Variants in ARHGAP39 observed in about 807,000 individuals in gnomAD.
ARHGAP39 encodes the protein rho GTPase-activating protein 39.
Under a neutral mutation model 106.9 loss-of-function variants are expected in ARHGAP39, and 44 were observed. That is an observed-to-expected ratio of 0.41 (90% confidence interval 0.32 to 0.53). The LOEUF is 0.53. ARHGAP39 is among the 20% of genes least tolerant of loss of function. The pLI, the probability that ARHGAP39 is intolerant of heterozygous loss-of-function variation, is 0.21. For synonymous variants in ARHGAP39, 768 were observed against 693.2 expected, an observed-to-expected ratio of 1.11 and a Z score of -1.69; for missense variants, 1,496 against 1,577.3, an observed-to-expected ratio of 0.95 and a Z score of 0.87.
chr8:144,537,036 C>G (rs1816984272), intron 7 of ARHGAP39, among the ~76,000 whole-genome samples: 1 of 152,182 alleles, frequency 6.6e-6, no homozygotes, highest in African/African-American at 2.4e-5. Flanking sequence ...CCCTGGAAGC[C>G]TGTGTGTGCA....
At chr8:144,667,929 G>T (rs1244263599) in intron 1 of ARHGAP39, among the ~76,000 whole-genome samples, 2 of 152,172 alleles carry the variant, frequency 1.3e-5, no homozygotes, top group African/African-American at 4.8e-5. Flanking sequence ...AGACTTTATG[G>T]AGAGTGACGG....
chr8:144,538,734 C>T (rs1365241111), intron 6 of ARHGAP39, among the ~76,000 whole-genome samples: 1 of 152,118 alleles, frequency 6.6e-6, no homozygotes, highest in Non-Finnish European at 1.5e-5. Context: ...CCACATCTGA[C>T]TAATTTTTGT....
At chr8:144,545,021 C>T (rs981979049) in intron 6 of ARHGAP39, among the ~76,000 whole-genome samples, 9 of 152,362 alleles carry the variant, frequency 5.9e-5, no homozygotes, top group Non-Finnish European at 8.8e-5. Flanking sequence ...CCCAAGCCCT[C>T]GTGTCTGCCA....
chr8:144,576,789 T>G (rs1021928592), intron 3 of ARHGAP39, among the ~76,000 whole-genome samples: 7 of 152,138 alleles, frequency 4.6e-5, no homozygotes, highest in African/African-American at 1.4e-4. Context: ...TTTTAAAATG[T>G]TAACGCCAAG....
At chr8:144,589,118 A>G (rs1473373180) in intron 2 of ARHGAP39, among the ~76,000 whole-genome samples, 4 of 152,230 alleles carry the variant, frequency 2.6e-5, no homozygotes, top group Non-Finnish European at 5.9e-5. Flanking sequence ...CACCGGCGGC[A>G]TGACGGCGAG....
Position 144,599,749 on chromosome 8 carries a change from G to A in ARHGAP39, c.80+5786C>T, listed in dbSNP as rs549059180. The stretch of plus-strand genomic sequence containing the variant: ...GAAAGAGCTAATCCAAACAACTTAG[G>A]AACACAGGATGAGCCAGTGTCGCAT... On this transcript the variant is annotated intron_variant, in intron 2 of 11. Coordinates refer to ENST00000377307, the MANE Select transcript of ARHGAP39 (RefSeq NM_025251.3). Among the ~76,000 whole-genome samples, 21 of 152,310 alleles carry A rather than the reference G, an allele frequency of 1.4e-4. No homozygotes were observed. In the South Asian group the frequency reaches 1.9e-3, roughly 14 times the overall value.
At position 144,593,806 on chromosome 8, in the gene ARHGAP39, C is replaced by T. The variant is rs144009774; in HGVS notation, c.80+11729G>A. Among the ~76,000 whole-genome samples, 471 of 152,242 alleles carry T rather than the reference C, an allele frequency of 3.1e-3. 1 individual carries two copies. The highest frequency in any genetic ancestry group is 5.3e-3 in the Non-Finnish European group (363 of 68,020). ...TCCTGTCTCGAAAAGAAAAAAAAGA[C>T]AGGCTGGGTGCCGTGGCTAACGCCT... On this transcript the variant is annotated intron_variant, in intron 2 of 11. Transcript: ENST00000377307.
rs553571426 is a variant in ARHGAP39, at chr8:144,627,052, A to AC, written c.-81-21358_-81-21357insG. 9.2e-4 allele frequency among the ~76,000 whole-genome samples: 140 copies of AC among 152,330 alleles called. 1 individual carries two copies. The highest frequency in any genetic ancestry group is 3.3e-3 in the African/African-American group (139 of 41,570). On this transcript the variant is annotated intron_variant, in intron 1 of 11. Coordinates refer to ENST00000377307, the MANE Select transcript of ARHGAP39 (RefSeq NM_025251.3). ...AGCAGAAATGAAAAACAAGAAAAAGAAGACAGACCACCTGGCACCTGGATC... is the reference window on the plus strand; with the variant it reads ...AGCAGAAATGAAAAACAAGAAAAAGACAGACAGACCACCTGGCACCTGGATC...
intron 1 of ARHGAP39, among the ~76,000 whole-genome samples, chr8:144,610,701 G>T (rs2130954522): frequency 1.3e-5 from 2 of 150,380 alleles, no homozygotes; most frequent in South Asian, 4.2e-4. Context: ...GACAGTGAGA[G>T]ACTCCGTCTC....
intron 1 of ARHGAP39, among the ~76,000 whole-genome samples, chr8:144,606,596 A>G (rs1297563521): frequency 6.6e-6 from 1 of 151,968 alleles, no homozygotes; most frequent in Non-Finnish European, 1.5e-5. Context: ...TGTAGTTAAG[A>G]GAAGGAGGAG....
In ARHGAP39 at chr8:144,627,383, T is replaced by A. The variant is rs183986156; in HGVS notation, c.-81-21688A>T. On this transcript the variant is annotated intron_variant, in intron 1 of 11. Transcript: ENST00000377307. ...CTGGCTAACACGGTGAAACCCCGTC[T>A]CTACTAAAAATACAAGAAAAAATCA... is the stretch of plus-strand genomic sequence containing the variant. Among the ~76,000 whole-genome samples the A allele has an allele frequency of 1.3e-3, 197 of 152,072 alleles. 1 individual carries two copies. The highest frequency in any genetic ancestry group is 4.7e-3 in the African/African-American group (194 of 41,472).
chr8:144,698,567 C>A, the ARHGAP39 span: 1 of 260,350 alleles, frequency 3.8e-6, no homozygotes. Flanking sequence ...CCATCTAGAG[C>A]TTTCTTAATG....
intron 1 of ARHGAP39, among the ~76,000 whole-genome samples, chr8:144,609,949 G>A (rs1239955974): frequency 1.3e-5 from 2 of 152,156 alleles, no homozygotes; most frequent in African/African-American, 4.8e-5. Context: ...AGCCAGATGG[G>A]CATGTAGTTT....
At chr8:144,595,682 G>C (rs1819594177) in intron 2 of ARHGAP39, among the ~76,000 whole-genome samples, 1 of 152,296 alleles carries the variant, frequency 6.6e-6, no homozygotes, top group East Asian at 1.9e-4. Flanking sequence ...GGGTGCAGAG[G>C]CTGAACGGGG....
intron 1 of ARHGAP39, among the ~76,000 whole-genome samples, chr8:144,627,436 T>C (rs1169478117): frequency 6.6e-6 from 1 of 151,160 alleles, no homozygotes; most frequent in Non-Finnish European, 1.5e-5. Flanking sequence ...GCACCTGTAT[T>C]CCCACCTACT....
intron 4 of ARHGAP39, among the ~76,000 whole-genome samples, chr8:144,551,931 G>A (rs1458197354): frequency 6.6e-6 from 1 of 152,150 alleles, no homozygotes; most frequent in East Asian, 1.9e-4. Context: ...TCCAGGGCAA[G>A]TGGAATCCCA....
chr8:144,612,167 T>C (rs1371652093), intron 1 of ARHGAP39, among the ~76,000 whole-genome samples: 2 of 137,440 alleles, frequency 1.5e-5, no homozygotes. Context: ...GGCGACAGAG[T>C]GAGGTGAGCC....
chr8:144,543,287 G>C (rs1458068680), intron 6 of ARHGAP39, among the ~76,000 whole-genome samples: 1 of 152,128 alleles, frequency 6.6e-6, no homozygotes, highest in African/African-American at 2.4e-5. Context: ...CTGTCTTTCT[G>C]AGCAGCAGCC....
chr8:144,605,807 G>T, intron 1 of ARHGAP39, 112 bp from the exon 2 acceptor site: 2 of 621,738 alleles, frequency 3.2e-6, no homozygotes, highest in Middle Eastern at 4.4e-4. Context: ...TGGACTCCAC[G>T]GCACCCGTGA....
Sources: gnomAD v4.1 joint callset for allele counts (sites outside exome capture counted in the v4.1 genomes callset) on GRCh38, gnomAD v4.1.1 for gene constraint, MANE v1.5 for transcripts, NCBI Gene and HGNC (gene_info 2026-07-23, HGNC 2026-07-21) for gene names.